FGF13: variants seen among roughly 807,000 people sequenced by gnomAD.
FGF13 encodes the protein fibroblast growth factor 13.
FGF13 carries 2 observed loss-of-function variants against 19.5 expected under a neutral mutation model. The ratio of observed to expected loss-of-function variants is 0.10; its 90% confidence interval spans 0.04 to 0.32. The LOEUF (loss-of-function observed/expected upper bound fraction) is 0.32, where lower values mean the gene tolerates loss of function less well. Ranked by LOEUF, FGF13 falls within the 10% of genes least tolerant of loss-of-function variation. The probability of loss-of-function intolerance (pLI) is 1.00; values close to 1 mark genes in which losing one functional copy is unlikely to be tolerated. For synonymous variants in FGF13, 72 were observed against 76.9 expected, an observed-to-expected ratio of 0.94 and a Z score of 0.33; for missense variants, 113 against 192.7, an observed-to-expected ratio of 0.59 and a Z score of 2.45.
At chrX:138,742,905 G>A (rs752607840), upstream of FGF13, among the ~76,000 whole-genome samples, 6 of 112,021 alleles carry the variant, frequency 5.4e-5, no homozygotes, top group South Asian at 1.1e-3. Context: ...CTGTGCCACC[G>A]CAGCCTCTTG....
intron 3 of FGF13, among the ~76,000 whole-genome samples, chrX:138,801,095 T>A (rs2090825192): frequency 8.9e-6 from 1 of 112,072 alleles, no homozygotes; most frequent in South Asian, 3.7e-4. Context: ...TTTCTCAAAC[T>A]CATTCTCTGT....
chrX:138,892,940 C>A (rs2091484935), intron 1 of FGF13, among the ~76,000 whole-genome samples: 1 of 86,306 alleles, frequency 1.2e-5, no homozygotes, highest in African/African-American at 4.6e-5. Context: ...TACATAGATA[C>A]AAGTGGGGAG....
At chrX:138,682,271 G>A (rs1193746393) in intron 3 of FGF13, among the ~76,000 whole-genome samples, 1 of 112,273 alleles carries the variant, frequency 8.9e-6, no homozygotes, top group Non-Finnish European at 1.9e-5. Flanking sequence ...TCCCATAGCT[G>A]TCTATAAGTA....
At chrX:139,071,540 ATTG>A (rs1273931521) in intron 1 of FGF13, among the ~76,000 whole-genome samples, 4 of 111,886 alleles carry the variant, frequency 3.6e-5, no homozygotes, top group Non-Finnish European at 7.5e-5. Flanking sequence ...AGTAATGATT[ATTG>A]TTGTTTATGC....
chrX:139,035,753 G>T (rs1603146228), intron 1 of FGF13, among the ~76,000 whole-genome samples: 1 of 110,983 alleles, frequency 9.0e-6, no homozygotes, highest in East Asian at 2.9e-4. Flanking sequence ...GGCTTAGGAG[G>T]GTTGAGGAGC....
intron 1 of FGF13, among the ~76,000 whole-genome samples, chrX:138,954,062 A>G: frequency 9.7e-6 from 1 of 103,082 alleles, no homozygotes; most frequent in African/African-American, 3.5e-5. Context: ...TTTTACACCA[A>G]ATATTGGTGC....
intron 1 of FGF13, among the ~76,000 whole-genome samples, chrX:138,732,397 T>C (rs1024447693): frequency 8.9e-6 from 1 of 112,068 alleles, no homozygotes; most frequent in Non-Finnish European, 1.9e-5. Context: ...TGGATACTAG[T>C]CAGCCATAAC....
At chrX:139,182,875 A>G (rs914736509) in intron 1 of FGF13, among the ~76,000 whole-genome samples, 31 of 111,697 alleles carry the variant, frequency 2.8e-4, no homozygotes, top group African/African-American at 1.0e-3. Context: ...TGTCTTTTTT[A>G]TACTCCAACA....
intron 3 of FGF13, among the ~76,000 whole-genome samples, chrX:138,816,934 A>G (rs1245945693): frequency 8.9e-6 from 1 of 112,174 alleles, no homozygotes; most frequent in Non-Finnish European, 1.9e-5. Flanking sequence ...CTATTGTCAT[A>G]GTATCCATCT....
rs762198910 is a variant in FGF13, at chrX:138,678,073, G to A, written c.402+24911C>T. Among the ~76,000 whole-genome samples the A allele has an allele frequency of 2.3e-4, 26 of 111,381 alleles. No homozygotes were observed. The East Asian group carries it at 6.0e-3, about 25-fold the overall frequency. On this transcript the variant is annotated intron_variant, in intron 3 of 4. Transcript: ENST00000315930. ...AAATCATCATTCTCAGTAAACTATC[G>A]CAAGGACAAAAAACCAAACACCGCA...
rs148081452 is a variant in FGF13, at chrX:138,791,797, T to C, written c.217+65715A>G. 9.7e-3 allele frequency among the ~76,000 whole-genome samples: 1,092 copies of C among 112,237 alleles called. 14 individuals carry two copies. Among genetic ancestry groups the C allele is most frequent in the African/African-American group, 0.033 (1,026 of 30,861 alleles). ...AATGCAATTTTAAAAGGTTCATTTG[T>C]TAGTCATCAACATTTCTCAACTTAC... On this transcript the variant is annotated intron_variant, in intron 3 of 6. Transcript: ENST00000436198.
In FGF13 at chrX:138,914,567, CA is replaced by C. The variant is rs770852121; in HGVS notation, c.-112-49918del. ...TGCCTGACAGCACATTGGCAGCTTC[CA>C]AAACCACCAATGGTTTCCAAAGGTT... On this transcript the variant is annotated intron_variant, in intron 1 of 2. Coordinates refer to the FGF13 transcript ENST00000421460. 7.5e-4 allele frequency among the ~76,000 whole-genome samples: 81 copies of C among 107,741 alleles called. No individual in the cohort carries two copies. In the South Asian group the frequency reaches 0.033, roughly 44 times the overall value. The allele number at this position is 107,741 out of a possible 115,157, so 93.6% of individuals were successfully genotyped here.
chrX:138,888,698 A>G, intron 1 of FGF13, among the ~76,000 whole-genome samples: 1 of 104,564 alleles, frequency 9.6e-6, no homozygotes, highest in East Asian at 2.9e-4. Context: ...ACCAAGAAAA[A>G]GAAAAAAAAA....
At chrX:138,690,969 T>C (rs949031764) in intron 3 of FGF13, among the ~76,000 whole-genome samples, 1 of 111,314 alleles carries the variant, frequency 9.0e-6, no homozygotes, top group Non-Finnish European at 1.9e-5. Flanking sequence ...ATGATCATGG[T>C]TTGGGGTGCC....
chrX:139,153,370 C>T (rs2083951028), intron 1 of FGF13, among the ~76,000 whole-genome samples: 1 of 110,012 alleles, frequency 9.1e-6, no homozygotes, highest in South Asian at 4.0e-4. Context: ...AAGTCCTATC[C>T]TAATCTCAGA....
intron 1 of FGF13, among the ~76,000 whole-genome samples, chrX:139,007,036 TAA>T (rs1160976335): frequency 9.0e-6 from 1 of 111,144 alleles, no homozygotes; most frequent in Non-Finnish European, 1.9e-5. Flanking sequence ...ACTCTCCAAT[TAA>T]AAGACATAGA....
At chrX:138,913,993 C>A (rs763938938) in intron 1 of FGF13, among the ~76,000 whole-genome samples, 18 of 109,929 alleles carry the variant, frequency 1.6e-4, no homozygotes, top group Non-Finnish European at 3.0e-4. Flanking sequence ...GAGGGCAAGG[C>A]CACCACTGAG....
chrX:139,194,008 A>G (rs1197591511), intron 1 of FGF13, among the ~76,000 whole-genome samples: 1 of 112,062 alleles, frequency 8.9e-6, no homozygotes, highest in Non-Finnish European at 1.9e-5. Context: ...TACTTTTACA[A>G]AATACTAATC....
intron 1 of FGF13, among the ~76,000 whole-genome samples, chrX:139,158,859 C>G (rs1229865611): frequency 3.7e-5 from 4 of 109,560 alleles, no homozygotes; most frequent in Non-Finnish European, 7.6e-5. Flanking sequence ...GACTGGTGTA[C>G]CTGAAAGTGA....
Sources: allele counts gnomAD v4.1 joint callset (sites outside exome capture counted in the v4.1 genomes callset), GRCh38; gene constraint gnomAD v4.1.1; transcripts MANE v1.5; gene names NCBI Gene and HGNC (gene_info 2026-07-23, HGNC 2026-07-21).